Variants in STK4 observed in about 807,000 individuals in gnomAD.
STK4 encodes the protein serine/threonine-protein kinase 4.
STK4 carries 30 observed loss-of-function variants against 64.9 expected under a neutral mutation model. That is an observed-to-expected ratio of 0.46 (90% CI 0.35 to 0.63). STK4 has a LOEUF of 0.63. Ranked by LOEUF, STK4 falls within the 20% of genes least tolerant of loss-of-function variation. The pLI is 0.01. For synonymous variants in STK4, 177 were observed against 199.0 expected (o/e 0.89, Z 0.93); for missense variants, 466 against 598.5 (o/e 0.78, Z 2.31).
intron 10 of STK4, among the ~76,000 whole-genome samples, chr20:45,073,638 C>T (rs538690679): frequency 6.6e-6 from 1 of 152,302 alleles, no homozygotes; most frequent in Admixed American, 6.5e-5. Flanking sequence ...GTTGTGAGCA[C>T]ACAGAATAAA....
At chr20:45,024,138 G>A (rs1288820385) in intron 9 of STK4, among the ~76,000 whole-genome samples, 1 of 151,724 alleles carries the variant, frequency 6.6e-6, no homozygotes, top group East Asian at 1.9e-4. Context: ...CTGGCCTTGT[G>A]ATCTGCCCAC....
At chr20:45,070,109 G>A (rs1481739709) in intron 10 of STK4, among the ~76,000 whole-genome samples, 1 of 152,176 alleles carries the variant, frequency 6.6e-6, no homozygotes, top group African/African-American at 2.4e-5. Flanking sequence ...AGTATGGCCT[G>A]TTTGAGGATC....
rs1027440574 is a variant in STK4 at position 45,076,503 on chromosome 20, C to T, written c.*1327C>T. ...AGGGAACCTTGCTAACAGAAACTTG[C>T]TCTTGCCTTGGCTCTTCAGTAGATG... On this transcript the variant is annotated 3_prime_UTR_variant, in exon 11 of 11. Coordinates refer to ENST00000372806, the MANE Select transcript of STK4 (RefSeq NM_006282.5). This position sits in a 1 kb window ranked among gnomAD's most constrained non-coding sequence, Gnocchi z 4.0. 1 of 152,230 alleles carries T rather than the reference C, an allele frequency of 6.6e-6. No individual in the cohort carries two copies. Among genetic ancestry groups the T allele is most frequent in the East Asian group, 1.9e-4 (1 of 5,194 alleles). The allele number at this position is 152,230 out of a possible 1,614,324, so 9.4% of individuals were successfully genotyped here.
chr20:45,048,375 G>C, intron 10 of STK4, among the ~76,000 whole-genome samples: 1 of 152,208 alleles, frequency 6.6e-6, no homozygotes, highest in South Asian at 2.1e-4. Flanking sequence ...CTTAGGGTGG[G>C]AGACATGGAT....
intron 10 of STK4, among the ~76,000 whole-genome samples, chr20:45,056,210 G>C (rs1438147766): frequency 6.6e-6 from 1 of 152,170 alleles, no homozygotes; most frequent in Non-Finnish European, 1.5e-5. Flanking sequence ...AGTTTTAATA[G>C]AAATATACAG....
At chr20:44,971,606 T>C (rs2067246860) in intron 1 of STK4, among the ~76,000 whole-genome samples, 1 of 152,090 alleles carries the variant, frequency 6.6e-6, no homozygotes, top group South Asian at 2.1e-4. Context: ...ATCTCAAGAT[T>C]TAAATAGATT....
chr20:45,027,015 C>T (rs1464247672), intron 10 of STK4, among the ~76,000 whole-genome samples: 2 of 152,206 alleles, frequency 1.3e-5, no homozygotes, highest in African/African-American at 4.8e-5. Context: ...AGCCAGTCTT[C>T]AGGCAAAGAT....
In STK4 at chr20:45,063,157, C is replaced by A. The variant is rs531954210; in HGVS notation, c.1306-11861C>A. On this transcript the variant is annotated intron_variant, in intron 10 of 10. Coordinates refer to ENST00000372806, the MANE Select transcript of STK4 (RefSeq NM_006282.5). ...TAGCTGGGACTACAGGGATGTGCCA[C>A]TACACCTGGCTAATTGTTTTTGTAT... Among the ~76,000 whole-genome samples, 55 of 150,926 alleles carry A rather than the reference C, an allele frequency of 3.6e-4. 1 individual carries two copies. The highest frequency in any genetic ancestry group is 6.8e-4 in the Non-Finnish European group (46 of 67,738).
chr20:44,972,829 G>A (rs1418993988), intron 2 of STK4: 1 of 150,560 alleles, frequency 6.6e-6, no homozygotes, highest in Non-Finnish European at 1.5e-5. Context: ...CATTTCTTAA[G>A]TTTTTCTTGT....
At chr20:45,028,568 C>T (rs1196350857) in intron 10 of STK4, among the ~76,000 whole-genome samples, 2 of 152,094 alleles carry the variant, frequency 1.3e-5, no homozygotes, top group Admixed American at 1.3e-4. Context: ...CTGAAATAAT[C>T]CTCCTGCCCG....
chr20:45,025,105 T>C lies in STK4; in HGVS notation c.1280T>C (p.Ile427Thr), dbSNP rs1222249798. 1.2e-6 allele frequency: 2 copies of C among 1,613,116 alleles called. No homozygotes were observed. Among genetic ancestry groups the C allele is most frequent in the South Asian group, 2.2e-5 (2 of 90,898 alleles). ...GPLKNSSDWKIPQDGDYEFLK... is the reference protein window; with the variant it reads ...GPLKNSSDWKTPQDGDYEFLK... ...CTGAAAAATTCTTCAGATTGGAAAATACCACAGGATGGAGACTACGAGTTT... is the reference window on the plus strand; with the variant it reads ...CTGAAAAATTCTTCAGATTGGAAAACACCACAGGATGGAGACTACGAGTTT... The change falls in exon 10 of 11, where the codon ATA (isoleucine) becomes ACA (threonine). Residue 427 changes from isoleucine to threonine, a missense_variant. This residue lies in a region of STK4 where 276 missense variants were observed against 308.9 expected (regional missense o/e 0.89). Transcript: ENST00000372806.
At chr20:45,057,188 G>A (rs895868074) in intron 10 of STK4, among the ~76,000 whole-genome samples, 4 of 152,214 alleles carry the variant, frequency 2.6e-5, no homozygotes, top group Non-Finnish European at 4.4e-5. Context: ...GGGCCACAGT[G>A]TCGATGGTCC....
At chr20:45,064,056 C>T (rs1182207207) in intron 10 of STK4, among the ~76,000 whole-genome samples, 5 of 151,564 alleles carry the variant, frequency 3.3e-5, no homozygotes, top group African/African-American at 9.7e-5. Context: ...GATCTGCCCA[C>T]CTCAGCCTCC....
At position 45,069,221 on chromosome 20, in the gene STK4, A is replaced by G. The variant is rs146659686; in HGVS notation, c.1306-5797A>G. Among the ~76,000 whole-genome samples, 388 of 152,290 alleles carry G rather than the reference A, an allele frequency of 2.5e-3. 2 individuals are homozygous for G. Among genetic ancestry groups the G allele is most frequent in the African/African-American group, 7.4e-3 (306 of 41,570 alleles). On this transcript the variant is annotated intron_variant, in intron 10 of 10. Transcript: ENST00000372806. ...TATGATGGCAAGGAAATTCTAAATA[A>G]CCATGATTAAGAGGCTTATTTTAGT... is the stretch of plus-strand genomic sequence containing the variant.
chr20:44,969,718 T>C (rs1238977580), intron 1 of STK4, among the ~76,000 whole-genome samples: 2 of 152,224 alleles, frequency 1.3e-5, no homozygotes, highest in Non-Finnish European at 2.9e-5. Flanking sequence ...TGTTCATTTA[T>C]GAGCAAGTGC....
chr20:44,985,852 G>A (rs921510360), intron 4 of STK4, among the ~76,000 whole-genome samples: 7 of 152,118 alleles, frequency 4.6e-5, no homozygotes, highest in Admixed American at 6.5e-5. Context: ...TAAAAGCTAC[G>A]TCTTCCTAGT....
At chr20:45,062,589 G>A (rs34494381) in intron 10 of STK4, among the ~76,000 whole-genome samples, 37,498 of 152,178 alleles carry the variant, frequency 0.25, 5,442 homozygotes, top group Middle Eastern at 0.43. Flanking sequence ...GCCAGCATCT[G>A]TTATTTTTTG....
chr20:44,988,531 G>GTTTA (rs2067572882), intron 5 of STK4, among the ~76,000 whole-genome samples: 1 of 77,038 alleles, frequency 1.3e-5, no homozygotes, highest in Non-Finnish European at 2.2e-5. Flanking sequence ...ATATGTGTGT[G>GTTTA]TGTATATATA....
chr20:45,005,647 CAAAAAAAAAAAA>C (rs1214893882), intron 9 of STK4, among the ~76,000 whole-genome samples: 2 of 65,692 alleles, frequency 3.0e-5, no homozygotes, highest in Middle Eastern at 8.3e-3. Context: ...GACTCTGTCT[CAAAAAAAAAAAA>C]AAAAAAAACA....
Sources: allele counts gnomAD v4.1 joint callset (sites outside exome capture counted in the v4.1 genomes callset), GRCh38; gene constraint gnomAD v4.1.1; regional missense constraint gnomAD v4.1.1; non-coding constraint Gnocchi (gnomAD v3.1); transcripts MANE v1.5; gene names NCBI Gene and HGNC (gene_info 2026-07-23, HGNC 2026-07-21).